The following TRMT13 variants were observed in gnomAD, a reference collection of about 807,000 sequenced individuals.
TRMT13 encodes tRNA methyltransferase 13.
TRMT13 carries 45 observed loss-of-function variants against 55.9 expected under a neutral mutation model. The observed-to-expected ratio is 0.80, with a 90% CI of 0.63 to 1.03. The LOEUF is 1.03. Ranked by LOEUF, TRMT13 falls within the 50% of genes least tolerant of loss-of-function variation. The probability of loss-of-function intolerance (pLI) is 0.00; values close to 1 mark genes in which losing one functional copy is unlikely to be tolerated. For missense variants in TRMT13, 513 were observed against 563.9 expected (o/e 0.91, Z 0.91); for synonymous variants, 183 against 196.3 (o/e 0.93, Z 0.57).
intron 8 of TRMT13, among the ~76,000 whole-genome samples, 155 bp from the exon 9 acceptor site, chr1:100,143,914 T>C (rs2101737241): frequency 6.6e-6 from 1 of 152,196 alleles, no homozygotes; most frequent in Non-Finnish European, 1.5e-5. Context: ...CCTAAACAAG[T>C]TCTTATGTTA....
rs368205547 is a variant in TRMT13 at position 100,140,408 on chromosome 1, G to A, written c.395G>A (p.Gly132Asp). The part of the protein sequence containing the change: ...LIKKLRKASE[G>D]LNSTLKDHIM... The stretch of plus-strand genomic sequence containing the variant: ...GCTGTTGTGCTTATATTTGGCACAG[G>A]CTTGAATTCTACACTTAAAGATCAT... Residue 132 changes from glycine (G) to aspartate (D), a missense_variant and splice_region_variant, in exon 6 of 11, where the codon GGC becomes GAC. Gly to Asp is a moderately conservative substitution (Grantham distance 94). Around this residue, in one of 3 missense-constraint regions of TRMT13, gnomAD observed 298 missense variants for 290.3 expected, o/e 1.03. Coordinates refer to ENST00000370141, the MANE Select transcript of TRMT13 (RefSeq NM_019083.3). The A allele has an allele frequency of 4.6e-5, 74 of 1,612,470 alleles. No individual in the cohort carries two copies. Among genetic ancestry groups the A allele is most frequent in the Admixed American group, 1.7e-5 (1 of 59,900 alleles).
At chr1:100,145,750 A>C (rs2101741830) in intron 9 of TRMT13, among the ~76,000 whole-genome samples, 1 of 152,274 alleles carries the variant, frequency 6.6e-6, no homozygotes, top group Non-Finnish European at 1.5e-5. Context: ...TTGTGCATGT[A>C]GTCCCAGCTA....
At position 100,149,124 on chromosome 1, in the gene TRMT13, A is replaced by G. The variant is rs1339166599; in HGVS notation, c.*304A>G. 4 of 1,580,954 alleles carry G rather than the reference A, an allele frequency of 2.5e-6. No homozygotes were observed. Among genetic ancestry groups the G allele is most frequent in the African/African-American group, 1.4e-5 (1 of 73,196 alleles). Reference sequence around the variant, plus strand: ...TGAAACATACATAACATGTCAACACATAATTAGCGTATTTCTGTTTGTATT... The same window carrying G: ...TGAAACATACATAACATGTCAACACGTAATTAGCGTATTTCTGTTTGTATT... On this transcript the variant is annotated 3_prime_UTR_variant, in exon 11 of 11. Transcript: ENST00000370141.
In TRMT13 at chr1:100,140,269, T is replaced by G; in HGVS notation, c.394+18T>G. On this transcript the variant is annotated intron_variant, in intron 5 of 10. Transcript: ENST00000370141. Reference sequence around the variant, plus strand: ...AAGTGAAGGTAAGACTGCCTAAAGTTGCAAGTTCAATTATTTTAGAGTAAT... The same window carrying G: ...AAGTGAAGGTAAGACTGCCTAAAGTGGCAAGTTCAATTATTTTAGAGTAAT... 2 of 1,607,098 alleles carry G rather than the reference T, an allele frequency of 1.2e-6. No individual in the cohort carries two copies. The highest frequency in any genetic ancestry group is 1.7e-6 in the Non-Finnish European group (2 of 1,176,132).
At position 100,149,238 on chromosome 1, in the gene TRMT13, A is replaced by G. The variant is rs955870191; in HGVS notation, c.*418A>G. On this transcript the variant is annotated 3_prime_UTR_variant, in exon 11 of 11. Coordinates refer to ENST00000370141, the MANE Select transcript of TRMT13 (RefSeq NM_019083.3). ...TAGTGATTGATTGTAACAAGGGCCAATCTGAGAATTTGACTTATATGTGGA... is the reference window on the plus strand; with the variant it reads ...TAGTGATTGATTGTAACAAGGGCCAGTCTGAGAATTTGACTTATATGTGGA... The G allele has an allele frequency of 1.7e-5, 25 of 1,499,522 alleles. No individual in the cohort carries two copies. In the Admixed American group the frequency reaches 4.1e-4, roughly 25 times the overall value. The allele number at this position is 1,499,522 out of a possible 1,614,324, so 92.9% of individuals were successfully genotyped here. A position where few individuals can be genotyped will look rare whatever the true frequency, so the allele number is the denominator to read the frequency against.
At position 100,137,043 on chromosome 1, in the gene TRMT13, A is replaced by G. The variant is rs780446007; in HGVS notation, c.219A>G (p.Ala73=). 4 of 1,612,824 alleles carry G rather than the reference A, an allele frequency of 2.5e-6. No homozygotes were observed. The highest frequency in any genetic ancestry group is 8.5e-7 in the Non-Finnish European group (1 of 1,179,734). The change falls in exon 3 of 11, where the codon GCA becomes GCG. Residue 73 remains alanine, a synonymous_variant. Transcript: ENST00000370141. ...GCACAGTATATGAAGATCAACTAGC[A>G]AAGCATTTGAAAAAATGTAACTCAA... ...PKHTVYEDQL[A]KHLKKCNSRE...
chr1:100,139,886 C>T (rs1656378166), intron 4 of TRMT13, among the ~76,000 whole-genome samples, 175 bp downstream of exon 4: 2 of 152,160 alleles, frequency 1.3e-5, no homozygotes, highest in Non-Finnish European at 2.9e-5. Flanking sequence ...CAGCTCATGC[C>T]CCATAACAAA....
chr1:100,148,362 G>A (rs1657553482), intron 10 of TRMT13, 36 bp downstream of exon 10: 1 of 1,559,142 alleles, frequency 6.4e-7, no homozygotes, highest in African/African-American at 1.4e-5. Flanking sequence ...GATACTAAAG[G>A]AGAAATATTA....
chr1:100,148,558 CAA>C, intron 10 of TRMT13, 65 bp from the exon 11 acceptor site: 1 of 1,430,382 alleles, frequency 7.0e-7, no homozygotes. Flanking sequence ...TAAATAGTGA[CAA>C]AAATAATTTT....
In TRMT13 at chr1:100,139,721, T is replaced by C. The variant is rs778526164; in HGVS notation, c.324+10T>C. 3.1e-5 allele frequency: 45 copies of C among 1,448,862 alleles called. No individual in the cohort carries two copies. In the South Asian group the frequency reaches 4.6e-4, roughly 15 times the overall value. The allele number at this position is 1,448,862 out of a possible 1,614,324, so 89.8% of individuals were successfully genotyped here. ...AATACCTGAACAATTAGTAAGTACA[T>C]TGACTTAATATTTAATTTTAAAAGA... On this transcript the variant is annotated intron_variant, in intron 4 of 10. Coordinates refer to ENST00000370141, the MANE Select transcript of TRMT13 (RefSeq NM_019083.3).
At position 100,149,258 on chromosome 1, in the gene TRMT13, T is replaced by G; in HGVS notation, c.*438T>G. On this transcript the variant is annotated 3_prime_UTR_variant, in exon 11 of 11. Transcript: ENST00000370141. ...GGCCAATCTGAGAATTTGACTTATATGTGGACATTTTTCCCTACAGATCTG... is the reference window on the plus strand; with the variant it reads ...GGCCAATCTGAGAATTTGACTTATAGGTGGACATTTTTCCCTACAGATCTG... The G allele has an allele frequency of 6.6e-7, 1 of 1,515,558 alleles. No individual in the cohort carries two copies. The highest frequency in any genetic ancestry group is 8.8e-7 in the Non-Finnish European group (1 of 1,137,422). The allele number at this position is 1,515,558 out of a possible 1,614,324, so 93.9% of individuals were successfully genotyped here. A position where few individuals can be genotyped will look rare whatever the true frequency, so the allele number is the denominator to read the frequency against.
chr1:100,149,532 A>G lies in TRMT13; in HGVS notation c.*712A>G. Reference sequence around the variant, plus strand: ...AAGATACTTACAAACATAATTCACAAATTTGAAATAATTTCTGAAGTTGAT... The same window carrying G: ...AAGATACTTACAAACATAATTCACAGATTTGAAATAATTTCTGAAGTTGAT... On this transcript the variant is annotated 3_prime_UTR_variant, in exon 11 of 11. Transcript: ENST00000370141. The G allele has an allele frequency of 8.4e-7, 1 of 1,191,606 alleles. No individual in the cohort carries two copies. The highest frequency in any genetic ancestry group is 1.2e-6 in the Non-Finnish European group (1 of 867,774). 73.8% of individuals were successfully genotyped at this position (1,191,606 alleles called of 1,614,324 possible).
At chr1:100,140,693 C>T in intron 6 of TRMT13, 159 bp from the exon 7 acceptor site, 1 of 839,582 alleles carries the variant, frequency 1.2e-6, no homozygotes, top group South Asian at 1.9e-5. Flanking sequence ...ATTCTGAGTA[C>T]CGTATATTAA....
Position 100,140,424 on chromosome 1 carries a change from T to C in TRMT13, c.411T>C (p.Leu137=), listed in dbSNP as rs1656457762. ...RKASEGLNST[L]KDHIMSHPAL... ...TTGGCACAGGCTTGAATTCTACACTTAAAGATCATATTATGTCCCATCCAG... is the reference window on the plus strand; with the variant it reads ...TTGGCACAGGCTTGAATTCTACACTCAAAGATCATATTATGTCCCATCCAG... Residue 137 remains leucine, a synonymous_variant, in exon 6 of 11, where the codon CTT becomes CTC. Coordinates refer to ENST00000370141, the MANE Select transcript of TRMT13 (RefSeq NM_019083.3). The C allele has an allele frequency of 3.1e-6, 5 of 1,613,554 alleles. No individual in the cohort carries two copies. The East Asian group carries it at 1.1e-4, about 36-fold the overall frequency.
intron 3 of TRMT13, 66 bp downstream of exon 3, chr1:100,137,151 C>A (rs1396076445): frequency 5.3e-6 from 7 of 1,325,660 alleles, no homozygotes; most frequent in Non-Finnish European, 7.5e-6. Context: ...AGATGCTGCA[C>A]ATGGAATGTA....
At chr1:100,143,722 G>A (rs953458667) in intron 8 of TRMT13, among the ~76,000 whole-genome samples, 1 of 152,054 alleles carries the variant, frequency 6.6e-6, no homozygotes, top group Non-Finnish European at 1.5e-5. Flanking sequence ...AACCTCTGTA[G>A]TGCCCTTTTT....
chr1:100,147,851 A>G, intron 9 of TRMT13, 43 bp from the exon 10 acceptor site: 1 of 1,512,194 alleles, frequency 6.6e-7, no homozygotes, highest in East Asian at 2.3e-5. Flanking sequence ...ATTTATTTTT[A>G]AAGATGATGT....
At chr1:100,138,504 G>A (rs565668731) in intron 3 of TRMT13, among the ~76,000 whole-genome samples, 1 of 152,068 alleles carries the variant, frequency 6.6e-6, no homozygotes, top group African/African-American at 2.4e-5. Flanking sequence ...AATTCCTGCA[G>A]TCTTCACTCA....
chr1:100,133,613 C>T (rs1375464772), intron 1 of TRMT13, among the ~76,000 whole-genome samples: 3 of 152,134 alleles, frequency 2.0e-5, no homozygotes, highest in South Asian at 2.1e-4. Flanking sequence ...GCTACCGCTC[C>T]GTCTTCCTGC....
Sources: gnomAD v4.1 joint callset for allele counts (sites outside exome capture counted in the v4.1 genomes callset) on GRCh38, gnomAD v4.1.1 for gene constraint, gnomAD v4.1.1 regional missense constraint, MANE v1.5 for transcripts, NCBI Gene and HGNC (gene_info 2026-07-23, HGNC 2026-07-21) for gene names.